The following CPA6 variants were observed in gnomAD, a reference collection of about 807,000 sequenced individuals.
The protein encoded by CPA6 is carboxypeptidase B.
CPA6 carries 58 observed loss-of-function variants against 63.3 expected under a neutral mutation model. That is an observed-to-expected ratio of 0.92 (90% confidence interval 0.74 to 1.14). CPA6 has a LOEUF of 1.14. Among genes scored for constraint, CPA6 ranks in the 50% most tolerant of loss-of-function variants. CPA6 has a pLI of 0.00. For missense variants in CPA6, 565 were observed against 526.6 expected (o/e 1.07, Z -0.71); for synonymous variants, 185 against 179.0 (o/e 1.03, Z -0.27).
chr8:67,504,962 T>C (rs1361740159), intron 6 of CPA6, among the ~76,000 whole-genome samples: 1 of 152,164 alleles, frequency 6.6e-6, no homozygotes, highest in African/African-American at 2.4e-5. Flanking sequence ...CTAATCTCAA[T>C]TGTTGCTTCT....
intron 2 of CPA6, among the ~76,000 whole-genome samples, chr8:67,543,964 T>C (rs774888128): frequency 1.3e-5 from 2 of 152,022 alleles, no homozygotes; most frequent in Non-Finnish European, 2.9e-5. Flanking sequence ...AAAAAATGTT[T>C]TCTTGTAGAG....
At chr8:67,422,770 T>G in intron 10 of CPA6, 79 bp from the exon 11 acceptor site, 2 of 1,022,522 alleles carry the variant, frequency 2.0e-6, no homozygotes, top group Non-Finnish European at 2.8e-6. Context: ...TACTATAAAG[T>G]ATCCGCTTAT....
intron 9 of CPA6, among the ~76,000 whole-genome samples, chr8:67,432,357 G>A (rs1810046300): frequency 6.6e-6 from 1 of 152,208 alleles, no homozygotes; most frequent in Non-Finnish European, 1.5e-5. Flanking sequence ...CACTGGATGT[G>A]CTGGGAGGTT....
At chr8:67,502,479 A>G (rs919598712) in intron 6 of CPA6, among the ~76,000 whole-genome samples, 1 of 152,002 alleles carries the variant, frequency 6.6e-6, no homozygotes, top group African/African-American at 2.4e-5. Flanking sequence ...TTTGTTTTCA[A>G]TTTCATTTAT....
intron 9 of CPA6, among the ~76,000 whole-genome samples, chr8:67,431,379 T>C (rs901604283): frequency 3.9e-5 from 6 of 152,110 alleles, no homozygotes; most frequent in African/African-American, 1.4e-4. Flanking sequence ...TAGCTGGGAC[T>C]ACAGGTGTCT....
chr8:67,600,377 A>T (rs965510707), intron 2 of CPA6, among the ~76,000 whole-genome samples: 2 of 152,054 alleles, frequency 1.3e-5, no homozygotes, highest in Admixed American at 6.6e-5. Flanking sequence ...GGGTGGGTGG[A>T]TGGAGAGATG....
chr8:67,615,464 A>G (rs1357036704), intron 2 of CPA6, among the ~76,000 whole-genome samples: 1 of 152,110 alleles, frequency 6.6e-6, no homozygotes, highest in East Asian at 1.9e-4. Context: ...TCCCTCCAAT[A>G]TTTGTAATTT....
intron 1 of CPA6, among the ~76,000 whole-genome samples, chr8:67,700,636 G>A (rs1230377364): frequency 6.6e-6 from 1 of 152,190 alleles, no homozygotes; most frequent in East Asian, 1.9e-4. Context: ...TGGGTGATCT[G>A]TCTTCATCTT....
At chr8:67,435,568 G>A (rs2128952607) in intron 8 of CPA6, among the ~76,000 whole-genome samples, 1 of 152,192 alleles carries the variant, frequency 6.6e-6, no homozygotes, top group Non-Finnish European at 1.5e-5. Flanking sequence ...ATTGGACTTA[G>A]GAGTGCCGAG....
At chr8:67,524,613 C>CATTTTTTTTTTT (rs1554670781) in intron 2 of CPA6, among the ~76,000 whole-genome samples, 2 of 149,822 alleles carry the variant, frequency 1.3e-5, no homozygotes, top group Non-Finnish European at 3.0e-5. Context: ...TTTGAAAAAA[C>CATTTTTTTTTTT]TTTTTTTGTT....
intron 1 of CPA6, among the ~76,000 whole-genome samples, chr8:67,704,960 C>T (rs1219786016): frequency 6.6e-6 from 1 of 152,066 alleles, no homozygotes; most frequent in Non-Finnish European, 1.5e-5. Context: ...AAGTTAGCCT[C>T]TTCAGTATTT....
intron 1 of CPA6, among the ~76,000 whole-genome samples, chr8:67,726,103 C>G (rs555415602): frequency 1.1e-4 from 16 of 152,218 alleles, no homozygotes; most frequent in African/African-American, 3.9e-4. Context: ...GAGAGCAAGA[C>G]AGAGGCCAAG....
chr8:67,609,123 T>C (rs979887136), intron 2 of CPA6, among the ~76,000 whole-genome samples: 1 of 152,204 alleles, frequency 6.6e-6, no homozygotes, highest in African/African-American at 2.4e-5. Context: ...CTGTGAGGCT[T>C]GTAGTCTAAA....
At chr8:67,732,418 CCCT>C (rs1437073602) in intron 1 of CPA6, among the ~76,000 whole-genome samples, 1 of 152,222 alleles carries the variant, frequency 6.6e-6, no homozygotes. Context: ...TCCTCTTCTT[CCCT>C]CCTTTTTCCT....
intron 2 of CPA6, among the ~76,000 whole-genome samples, chr8:67,615,486 T>G (rs1049821903): frequency 6.6e-6 from 1 of 151,970 alleles, no homozygotes; most frequent in African/African-American, 2.4e-5. Flanking sequence ...CAGGTGAAAT[T>G]GCAAGGATGA....
intron 2 of CPA6, among the ~76,000 whole-genome samples, chr8:67,601,610 T>G (rs1327795021): frequency 6.6e-6 from 1 of 152,166 alleles, no homozygotes; most frequent in East Asian, 1.9e-4. Context: ...ACAAATTATT[T>G]TAAACTTGAG....
At chr8:67,737,452 T>G (rs1477555) in intron 1 of CPA6, among the ~76,000 whole-genome samples, 3 of 151,686 alleles carry the variant, frequency 2.0e-5, no homozygotes, top group Non-Finnish European at 4.4e-5. Flanking sequence ...GTGTTTTTTT[T>G]CCCCCCTTTG....
At chr8:67,688,744 A>G (rs889519480) in intron 1 of CPA6, among the ~76,000 whole-genome samples, 2 of 152,216 alleles carry the variant, frequency 1.3e-5, no homozygotes, top group African/African-American at 4.8e-5. Flanking sequence ...ATAAAAGAAC[A>G]AATGATTTTA....
intron 1 of CPA6, among the ~76,000 whole-genome samples, chr8:67,729,417 C>T (rs983107335): frequency 6.6e-6 from 1 of 152,176 alleles, no homozygotes; most frequent in Non-Finnish European, 1.5e-5. Flanking sequence ...CATATACTGG[C>T]AACTTATTGT....
Sources: gnomAD v4.1 joint callset for allele counts (sites outside exome capture counted in the v4.1 genomes callset) on GRCh38, gnomAD v4.1.1 for gene constraint, MANE v1.5 for transcripts, NCBI Gene and HGNC (gene_info 2026-07-23, HGNC 2026-07-21) for gene names.